Variants in CAMTA1 observed in about 807,000 individuals in gnomAD.
CAMTA1 encodes the protein calmodulin-binding transcription activator 1.
A neutral mutation model predicts 170.9 loss-of-function variants in CAMTA1; 27 were observed. The observed-to-expected ratio is 0.16, with a 90% CI of 0.12 to 0.22. The LOEUF (loss-of-function observed/expected upper bound fraction) is 0.22. CAMTA1 is among the 10% of genes least tolerant of loss of function. The pLI is 1.00. For missense variants in CAMTA1, 1,619 were observed against 2,217.2 expected (o/e 0.73, Z 5.42); for synonymous variants, 833 against 891.5 (o/e 0.93, Z 1.17).
At chr1:7,009,041 G>A (rs926213576) in intron 3 of CAMTA1, among the ~76,000 whole-genome samples, 1 of 152,178 alleles carries the variant, frequency 6.6e-6, no homozygotes, top group East Asian at 1.9e-4. Flanking sequence ...GAGGGTCAGC[G>A]GCCATGCCCA....
chr1:6,895,381 T>G (rs1297641507), intron 3 of CAMTA1, among the ~76,000 whole-genome samples: 2 of 152,216 alleles, frequency 1.3e-5, no homozygotes, highest in African/African-American at 2.4e-5. Flanking sequence ...AGTACCACCC[T>G]AGTCCAAGCC....
intron 5 of CAMTA1, among the ~76,000 whole-genome samples, chr1:7,412,493 A>T (rs1466197645): frequency 2.0e-5 from 3 of 151,868 alleles, no homozygotes; most frequent in Non-Finnish European, 4.4e-5. Context: ...TTTGATTTGC[A>T]TTTCTCTGGT....
chr1:6,812,231 C>T (rs527881314), intron 1 of CAMTA1, among the ~76,000 whole-genome samples: 1 of 152,316 alleles, frequency 6.6e-6, no homozygotes, highest in South Asian at 2.1e-4. Flanking sequence ...GGAAATCACA[C>T]AGTAGTATGG....
chr1:7,398,034 A>T (rs1437522847), intron 5 of CAMTA1, among the ~76,000 whole-genome samples: 1 of 150,628 alleles, frequency 6.6e-6, no homozygotes, highest in Non-Finnish European at 1.5e-5. Context: ...TAATGTTTCT[A>T]TGTTGATTTT....
chr1:7,673,399 C>T lies in CAMTA1; in HGVS notation c.2779+2362C>T, dbSNP rs1430601669. 6.6e-6 allele frequency among the ~76,000 whole-genome samples: 1 copy of T among 152,202 alleles called. No individual in the cohort carries two copies. Among genetic ancestry groups the T allele is most frequent in the East Asian group, 1.9e-4 (1 of 5,192 alleles). On this transcript the variant is annotated intron_variant, in intron 10 of 22. Transcript: ENST00000303635. This position sits in a 1 kb window ranked among gnomAD's most constrained non-coding sequence, Gnocchi z 4.6. ...GAGAGGAGGTGTGTGAAGCACCTGG[C>T]CCAGTGCTCCATTCCTGAAGGGTTC...
At chr1:6,835,443 A>G (rs920691852) in intron 3 of CAMTA1, among the ~76,000 whole-genome samples, 12 of 152,200 alleles carry the variant, frequency 7.9e-5, no homozygotes, top group African/African-American at 2.9e-4. Context: ...AAAAGGAAGA[A>G]TATACGGAGA....
At chr1:7,667,586 C>A (rs945970375) in intron 9 of CAMTA1, among the ~76,000 whole-genome samples, 3 of 152,130 alleles carry the variant, frequency 2.0e-5, no homozygotes, top group African/African-American at 2.4e-5. Context: ...GAGGTCCTGG[C>A]CTGTCAGACA....
intron 6 of CAMTA1, among the ~76,000 whole-genome samples, chr1:7,556,870 C>T (rs1393373338): frequency 6.6e-6 from 1 of 152,114 alleles, no homozygotes. Flanking sequence ...TGCTGGGCAC[C>T]GATGACAGGG....
chr1:7,662,430 G>C (rs1558077764), intron 8 of CAMTA1, among the ~76,000 whole-genome samples: 1 of 152,116 alleles, frequency 6.6e-6, no homozygotes, highest in African/African-American at 2.4e-5. Flanking sequence ...AGAGGGTCGT[G>C]TCACTTCTCT....
At position 7,555,727 on chromosome 1, in the gene CAMTA1, C is replaced by T. The variant is rs114514519; in HGVS notation, c.511-84673C>T. On this transcript the variant is annotated intron_variant, in intron 6 of 22. Transcript: ENST00000303635. ...CCAGCACCAAGGCAAGCACCTAGCA[C>T]GTGGTCCCCCAAACCAAGCTCAAGC... 5.6e-3 allele frequency among the ~76,000 whole-genome samples: 848 copies of T among 151,078 alleles called. 7 individuals carry two copies. Among genetic ancestry groups the T allele is most frequent in the African/African-American group, 0.02 (803 of 41,174 alleles).
At chr1:6,807,035 G>A (rs1427903239) in intron 1 of CAMTA1, 9 of 669,926 alleles carry the variant, frequency 1.3e-5, no homozygotes, top group Admixed American at 2.1e-5. Context: ...AGGGGGAGAC[G>A]GACATTAATC....
intron 3 of CAMTA1, among the ~76,000 whole-genome samples, chr1:6,928,157 G>A (rs1683689184): frequency 1.3e-5 from 2 of 152,208 alleles, no homozygotes; most frequent in Admixed American, 6.5e-5. Flanking sequence ...AATCCTCTAG[G>A]ATGTGGATTC....
intron 3 of CAMTA1, among the ~76,000 whole-genome samples, chr1:6,914,313 A>G (rs1002758202): frequency 6.6e-6 from 1 of 152,120 alleles, no homozygotes; most frequent in Non-Finnish European, 1.5e-5. Context: ...CATGTCGGCC[A>G]GGCTGGTCTT....
chr1:7,644,864 G>C (rs2095792416), intron 7 of CAMTA1, among the ~76,000 whole-genome samples: 1 of 152,196 alleles, frequency 6.6e-6, no homozygotes, highest in African/African-American at 2.4e-5. Context: ...GAGTAGAGCT[G>C]TGCTTAGCCT....
intron 5 of CAMTA1, among the ~76,000 whole-genome samples, chr1:7,368,736 G>C (rs925938536): frequency 6.6e-6 from 1 of 152,160 alleles, no homozygotes; most frequent in Admixed American, 6.5e-5. Context: ...AGCACCCACC[G>C]TGGTACCTGG....
chr1:7,276,303 A>ATATATATATATATATATATTTT, intron 5 of CAMTA1, among the ~76,000 whole-genome samples: 61 of 24,122 alleles, frequency 2.5e-3, no homozygotes, highest in Non-Finnish European at 3.3e-3. Context: ...ATATATATAT[A>ATATATATATATATATATATTTT]TTTTTTTTTT....
intron 5 of CAMTA1, among the ~76,000 whole-genome samples, chr1:7,298,199 A>G (rs1674247233): frequency 6.6e-6 from 1 of 152,208 alleles, no homozygotes; most frequent in South Asian, 2.1e-4. Flanking sequence ...TACAGGGCTG[A>G]GTACGAGGGT....
intron 3 of CAMTA1, among the ~76,000 whole-genome samples, chr1:7,087,016 G>A (rs866388295): frequency 1.3e-4 from 20 of 152,342 alleles, no homozygotes; most frequent in Middle Eastern, 6.8e-3. Context: ...CCCGGAGAGT[G>A]AGGAGTCCTG....
rs1043253825 is a variant in CAMTA1 at position 7,286,350 on chromosome 1, A to C, written c.438+36724A>C. 6.6e-6 allele frequency among the ~76,000 whole-genome samples: 1 copy of C among 152,192 alleles called. No individual in the cohort carries two copies. Among genetic ancestry groups the C allele is most frequent in the Admixed American group, 6.5e-5 (1 of 15,282 alleles). ...AGCAACGATTCTTGATTTGAGGTCTATGGGTGGTCCTGGAAGATCGTCATG... is the reference window on the plus strand; with the variant it reads ...AGCAACGATTCTTGATTTGAGGTCTCTGGGTGGTCCTGGAAGATCGTCATG... On this transcript the variant is annotated intron_variant, in intron 5 of 22. Coordinates refer to ENST00000303635, the MANE Select transcript of CAMTA1 (RefSeq NM_015215.4). The surrounding 1 kb of genome is among the most constrained non-coding windows in gnomAD (Gnocchi z 4.2).
Sources: allele counts gnomAD v4.1 joint callset (sites outside exome capture counted in the v4.1 genomes callset), GRCh38; gene constraint gnomAD v4.1.1; non-coding constraint Gnocchi (gnomAD v3.1); transcripts MANE v1.5; gene names NCBI Gene and HGNC (gene_info 2026-07-23, HGNC 2026-07-21).